The following NEXN variants were observed in gnomAD, a reference collection of about 807,000 sequenced individuals.
The protein encoded by NEXN is nexilin F-actin binding protein.
NEXN carries 65 observed loss-of-function variants against 92.6 expected under a neutral mutation model. The observed-to-expected ratio is 0.70, with a 90% CI of 0.57 to 0.86. The LOEUF is 0.86. Ranked by LOEUF, NEXN falls within the 40% of genes least tolerant of loss-of-function variation. The pLI, the probability that NEXN is intolerant of heterozygous loss-of-function variation, is 0.00. For missense variants in NEXN, 778 were observed against 771.1 expected, an observed-to-expected ratio of 1.01 and a Z score of -0.11; for synonymous variants, 254 against 242.5, an observed-to-expected ratio of 1.05 and a Z score of -0.44.
At chr1:77,889,073 T>G (rs1054355714) in intron 1 of NEXN, 1 of 152,764 alleles carries the variant, frequency 6.5e-6, no homozygotes, top group African/African-American at 2.4e-5. Flanking sequence ...CCTGCTCCCC[T>G]GCGCCTTGTC....
intron 6 of NEXN, among the ~76,000 whole-genome samples, chr1:77,925,692 C>T (rs1649789059): frequency 6.6e-6 from 1 of 152,094 alleles, no homozygotes. Flanking sequence ...AAATTTTAGT[C>T]ATCCCTTTTA....
intron 11 of NEXN, among the ~76,000 whole-genome samples, chr1:77,936,900 C>A (rs1267603312): frequency 6.6e-6 from 1 of 152,100 alleles, no homozygotes; most frequent in Non-Finnish European, 1.5e-5. Flanking sequence ...ATTATTGGGA[C>A]TATAAGCAAT....
chr1:77,937,656 T>A (rs148328874), intron 11 of NEXN, among the ~76,000 whole-genome samples: 74 of 152,214 alleles, frequency 4.9e-4, no homozygotes, highest in Middle Eastern at 3.4e-3. Context: ...ACCACTGCAC[T>A]CTAGCCTTGG....
chr1:77,892,764 T>A (rs1274261622), intron 1 of NEXN, among the ~76,000 whole-genome samples: 1 of 152,180 alleles, frequency 6.6e-6, no homozygotes, highest in African/African-American at 2.4e-5. Flanking sequence ...AGGGACCATA[T>A]ATTGCTAACC....
chr1:77,941,968 G>A (rs556457401), intron 11 of NEXN, 55 bp from the exon 12 acceptor site: 57 of 1,541,996 alleles, frequency 3.7e-5, no homozygotes, highest in African/African-American at 2.2e-4. Context: ...AACTAGTAAC[G>A]CTTCTTTGTT....
In NEXN at chr1:77,926,745, AG is replaced by A. The variant is rs761621108; in HGVS notation, c.718del (p.Glu240AsnfsTer8). 1 of 1,613,918 alleles carries A rather than the reference AG, an allele frequency of 6.2e-7. No homozygotes were observed. Among genetic ancestry groups the A allele is most frequent in the Non-Finnish European group, 8.5e-7 (1 of 1,179,964 alleles). ...ATGAAATAGAAAGTGAAGCAAAAAA[AG>A]AATCACTTTCTCCCGGAAAATTGAA... The part of the protein sequence containing the change: ...DDEIESEAKK[E>X]SLSPGKLKLT... On this transcript the variant is annotated frameshift_variant, in exon 8 of 13. Coordinates refer to ENST00000334785, the MANE Select transcript of NEXN (RefSeq NM_144573.4). LOFTEE classifies it high-confidence loss of function.
At position 77,943,596 on chromosome 1, in the gene NEXN, A is replaced by ATTTTT. The variant is rs1651588247; in HGVS notation, c.*770_*771insTTTTT. ...TTCAAACGTATGTAATATATATTAAATTTATAAAGCAAATTTATGTTGTGA... is the reference window on the plus strand; with the variant it reads ...TTCAAACGTATGTAATATATATTAAATTTTTTTTATAAAGCAAATTTATGTTGTGA... On this transcript the variant is annotated 3_prime_UTR_variant, in exon 13 of 13. Transcript: ENST00000334785. 6.6e-6 allele frequency: 1 copy of ATTTTT among 152,066 alleles called. No homozygotes were observed. 9.4% of individuals were successfully genotyped at this position (152,066 alleles called of 1,614,324 possible).
At chr1:77,925,542 G>A (rs568033132) in intron 6 of NEXN, among the ~76,000 whole-genome samples, 2 of 152,240 alleles carry the variant, frequency 1.3e-5, no homozygotes, top group African/African-American at 2.4e-5. Flanking sequence ...ATTGTTGAAC[G>A]CTAACATTTA....
chr1:77,905,275 A>G (rs906456466), intron 1 of NEXN, among the ~76,000 whole-genome samples: 4 of 151,850 alleles, frequency 2.6e-5, no homozygotes, highest in Middle Eastern at 3.4e-3. Flanking sequence ...AAAAATTAAT[A>G]TAAGTGGCAT....
intron 5 of NEXN, among the ~76,000 whole-genome samples, chr1:77,923,393 C>T (rs904042564): frequency 6.6e-6 from 1 of 152,058 alleles, no homozygotes; most frequent in Non-Finnish European, 1.5e-5. Context: ...TAGTATGAAG[C>T]AGGGTACAAC....
chr1:77,909,504 A>G (rs1648396375), intron 1 of NEXN, among the ~76,000 whole-genome samples: 1 of 152,162 alleles, frequency 6.6e-6, no homozygotes, highest in African/African-American at 2.4e-5. Flanking sequence ...AGACAACAGG[A>G]CTAGTGCTAT....
At chr1:77,916,456 A>G (rs1335907999) in intron 2 of NEXN, among the ~76,000 whole-genome samples, 1 of 152,170 alleles carries the variant, frequency 6.6e-6, no homozygotes, top group African/African-American at 2.4e-5. Flanking sequence ...TTAGTATTAA[A>G]ACAAAGTTTG....
rs367871780 is a variant in NEXN, at chr1:77,917,982, A to T, written c.242A>T (p.Asp81Val). The change falls in exon 4 of 13, where the codon GAT (aspartate) becomes GTT (valine). Residue 81 changes from aspartate (D) to valine (V), a missense_variant. Around this residue, in one of 3 missense-constraint regions of NEXN, gnomAD observed 236 missense variants for 265.6 expected, o/e 0.89. Transcript: ENST00000334785. ...TAGATTAAAGAAATGCTTGCTTCTG[A>T]TGATGAGGAAGATGTATCTTCTAAA... ...KQEIKEMLAS[D>V]DEEDVSSKVE... is the part of the protein sequence containing the mutation. 68 of 1,613,170 alleles carry T rather than the reference A, an allele frequency of 4.2e-5. No individual in the cohort carries two copies. The African/African-American group carries it at 8.7e-4, about 21-fold the overall frequency.
chr1:77,917,835 C>T, intron 3 of NEXN, 78 bp downstream of exon 3: 1 of 1,400,646 alleles, frequency 7.1e-7, no homozygotes, highest in Non-Finnish European at 1.0e-6. Context: ...TCACATTAAC[C>T]ACATTTCACA....
intron 1 of NEXN, among the ~76,000 whole-genome samples, chr1:77,908,394 ATTTTTTTTTTT>A (rs34361411): frequency 2.8e-5 from 1 of 36,306 alleles, no homozygotes; most frequent in South Asian, 1.4e-3. Context: ...CCCTACCTCT[ATTTTTTTTTTT>A]TTTTTTTTTT....
At chr1:77,901,402 G>A (rs1167259819) in intron 1 of NEXN, among the ~76,000 whole-genome samples, 2 of 151,910 alleles carry the variant, frequency 1.3e-5, no homozygotes, top group Non-Finnish European at 2.9e-5. Flanking sequence ...GACTTTATAA[G>A]TACATATTAG....
intron 10 of NEXN, 21 bp downstream of exon 10, chr1:77,933,500 T>G: frequency 6.8e-7 from 1 of 1,476,662 alleles, no homozygotes; most frequent in Non-Finnish European, 9.5e-7. Context: ...AAGAAATATC[T>G]ATATTCCCCA....
chr1:77,891,497 A>G (rs1226564216), intron 1 of NEXN, among the ~76,000 whole-genome samples: 1 of 151,918 alleles, frequency 6.6e-6, no homozygotes, highest in Non-Finnish European at 1.5e-5. Context: ...CTCTTAGATT[A>G]GAAGACAAGC....
intron 1 of NEXN, chr1:77,889,172 C>G (rs1274926146): frequency 6.6e-6 from 1 of 152,446 alleles, no homozygotes; most frequent in African/African-American, 2.4e-5. Context: ...CCCTTGGGGT[C>G]CTTAGGGAAG....
Sources: allele counts gnomAD v4.1 joint callset (sites outside exome capture counted in the v4.1 genomes callset), GRCh38; gene constraint gnomAD v4.1.1; regional missense constraint gnomAD v4.1.1; transcripts MANE v1.5; gene names NCBI Gene and HGNC (gene_info 2026-07-23, HGNC 2026-07-21).